The following HDAC9 variants were observed in gnomAD, a reference collection of about 807,000 sequenced individuals.
HDAC9 encodes histone deacetylase 9.
HDAC9 carries 41 observed loss-of-function variants against 139.4 expected under a neutral mutation model. The observed-to-expected ratio is 0.29, with a 90% CI of 0.23 to 0.38. The LOEUF (loss-of-function observed/expected upper bound fraction) is 0.38, where lower values mean the gene tolerates loss of function less well. HDAC9 is among the 10% of genes least tolerant of loss of function. HDAC9 has a pLI of 1.00. For synonymous variants in HDAC9, 517 were observed against 476.2 expected, an observed-to-expected ratio of 1.09 and a Z score of -1.12; for missense variants, 1,147 against 1,297.0, an observed-to-expected ratio of 0.88 and a Z score of 1.78.
intron 1 of HDAC9, among the ~76,000 whole-genome samples, chr7:18,389,689 G>A (rs889009242): frequency 6.6e-6 from 1 of 152,164 alleles, no homozygotes; most frequent in Non-Finnish European, 1.5e-5. Flanking sequence ...TCAAGTATAT[G>A]CATAAGCAAA....
chr7:18,139,952 A>G (rs1294300689), intron 1 of HDAC9, among the ~76,000 whole-genome samples: 1 of 152,152 alleles, frequency 6.6e-6, no homozygotes, highest in Non-Finnish European at 1.5e-5. Flanking sequence ...CTGATGTGGG[A>G]CTTCTGTCCT....
At chr7:18,707,022 G>C (rs1783980283) in intron 12 of HDAC9, among the ~76,000 whole-genome samples, 1 of 152,132 alleles carries the variant, frequency 6.6e-6, no homozygotes. Context: ...ATGAGGCACT[G>C]GTTACCCCCA....
chr7:18,667,353 T>G, intron 12 of HDAC9: 1 of 984,388 alleles, frequency 1.0e-6, no homozygotes. Context: ...CAAGTCAAAA[T>G]CAGTTTGAAA....
At chr7:18,249,373 C>T (rs1296165665) in intron 2 of HDAC9, among the ~76,000 whole-genome samples, 1 of 151,520 alleles carries the variant, frequency 6.6e-6, no homozygotes, top group Non-Finnish European at 1.5e-5. Context: ...TGTGGTGGCA[C>T]GTGTCTGTAA....
At chr7:18,675,324 C>T (rs1781432083) in intron 12 of HDAC9, among the ~76,000 whole-genome samples, 2 of 152,034 alleles carry the variant, frequency 1.3e-5, no homozygotes, top group South Asian at 2.1e-4. Context: ...ACTCCAACTT[C>T]CCCACCTACT....
At chr7:18,249,963 T>C (rs998378850) in intron 2 of HDAC9, among the ~76,000 whole-genome samples, 1 of 152,154 alleles carries the variant, frequency 6.6e-6, no homozygotes, top group African/African-American at 2.4e-5. Flanking sequence ...TAAATGTCTT[T>C]TCAGCTGTGA....
At chr7:18,572,658 T>G (rs1205719956) in intron 2 of HDAC9, among the ~76,000 whole-genome samples, 2 of 152,148 alleles carry the variant, frequency 1.3e-5, no homozygotes, top group East Asian at 1.9e-4. Flanking sequence ...CTTCTCAAGA[T>G]TTCATTTTTA....
chr7:18,712,136 G>T (rs1784390899), intron 12 of HDAC9, among the ~76,000 whole-genome samples: 1 of 151,952 alleles, frequency 6.6e-6, no homozygotes, highest in Non-Finnish European at 1.5e-5. Context: ...ATAAATAGGG[G>T]TACTTTAAGT....
chr7:18,540,103 C>CAAAA (rs34620445), intron 2 of HDAC9, among the ~76,000 whole-genome samples: 2 of 58,430 alleles, frequency 3.4e-5, no homozygotes, highest in South Asian at 6.4e-4. Context: ...ACTAAAAATA[C>CAAAA]AAAAAAAAAA....
chr7:18,499,931 T>C (rs892626877), intron 2 of HDAC9, among the ~76,000 whole-genome samples: 3 of 152,158 alleles, frequency 2.0e-5, no homozygotes, highest in Admixed American at 6.6e-5. Context: ...AAGCAGAATC[T>C]AATTATGAAA....
chr7:18,638,257 C>G (rs760022949), intron 8 of HDAC9, among the ~76,000 whole-genome samples: 3 of 152,110 alleles, frequency 2.0e-5, no homozygotes, highest in Non-Finnish European at 4.4e-5. Context: ...GGATTCTATC[C>G]TATTGTGCTG....
chr7:18,311,799 G>A (rs1159145999), intron 1 of HDAC9, among the ~76,000 whole-genome samples: 1 of 152,168 alleles, frequency 6.6e-6, no homozygotes, highest in African/African-American at 2.4e-5. Context: ...AGAGATGAAG[G>A]AATGGAGACT....
rs79774357 is a variant in HDAC9, at chr7:18,803,052, C to T, written c.2322+9600C>T. On this transcript the variant is annotated intron_variant, in intron 17 of 25. Transcript: ENST00000686413. The stretch of plus-strand genomic sequence containing the variant: ...TCTTTTTGTTCCATTATTGGTTTGT[C>T]CCCTTACTTTCACCCGCCCCTTGCT... 6.9e-3 allele frequency among the ~76,000 whole-genome samples: 1,042 copies of T among 151,736 alleles called. 17 individuals carry two copies. Among genetic ancestry groups the T allele is most frequent in the African/African-American group, 0.024 (991 of 41,414 alleles).
intron 1 of HDAC9, among the ~76,000 whole-genome samples, chr7:18,453,021 T>A (rs771023390): frequency 7.0e-4 from 107 of 152,148 alleles, no homozygotes; most frequent in Non-Finnish European, 1.4e-3. Flanking sequence ...TTTACCATGA[T>A]TTTGCTTTTT....
At chr7:18,669,714 T>A (rs1279107615) in intron 12 of HDAC9, among the ~76,000 whole-genome samples, 5 of 151,870 alleles carry the variant, frequency 3.3e-5, no homozygotes, top group African/African-American at 1.2e-4. Flanking sequence ...ATAGTGTATA[T>A]CTGATTTCTG....
At chr7:18,501,208 A>G (rs1369544806) in intron 2 of HDAC9, among the ~76,000 whole-genome samples, 1 of 152,152 alleles carries the variant, frequency 6.6e-6, no homozygotes, top group Non-Finnish European at 1.5e-5. Flanking sequence ...GCATTTAAAC[A>G]ACTATTGGAT....
At chr7:18,928,010 A>G (rs1010636397) in intron 22 of HDAC9, among the ~76,000 whole-genome samples, 4 of 152,338 alleles carry the variant, frequency 2.6e-5, no homozygotes, top group African/African-American at 7.2e-5. Context: ...GACTTATCCA[A>G]TAGATCACAA....
chr7:18,172,500 A>G (rs886550079), intron 2 of HDAC9, among the ~76,000 whole-genome samples: 6 of 151,812 alleles, frequency 4.0e-5, no homozygotes, highest in Admixed American at 3.3e-4. Context: ...TACCTTTTCA[A>G]TTTGTTTGCT....
At chr7:18,925,191 C>T (rs763699958) in intron 22 of HDAC9, among the ~76,000 whole-genome samples, 1 of 152,072 alleles carries the variant, frequency 6.6e-6, no homozygotes, top group Admixed American at 6.6e-5. Context: ...ATTAAATTTG[C>T]ACTTCAATAT....
Sources: gnomAD v4.1 joint callset for allele counts (sites outside exome capture counted in the v4.1 genomes callset) on GRCh38, gnomAD v4.1.1 for gene constraint, MANE v1.5 for transcripts, NCBI Gene and HGNC (gene_info 2026-07-23, HGNC 2026-07-21) for gene names.